ARHGAP24: variants seen among roughly 807,000 people sequenced by gnomAD.
The protein encoded by ARHGAP24 is Rho GTPase activating protein 24.
A neutral mutation model predicts 76.4 loss-of-function variants in ARHGAP24; 50 were observed. The observed-to-expected ratio is 0.65, with a 90% CI of 0.52 to 0.83. The LOEUF (loss-of-function observed/expected upper bound fraction) is 0.83, where lower values mean the gene tolerates loss of function less well. ARHGAP24 is among the 40% of genes least tolerant of loss of function. The pLI, the probability that ARHGAP24 is intolerant of heterozygous loss-of-function variation, is 0.00. For synonymous variants in ARHGAP24, 345 were observed against 323.3 expected, an observed-to-expected ratio of 1.07 and a Z score of -0.72; for missense variants, 930 against 914.2, an observed-to-expected ratio of 1.02 and a Z score of -0.22.
chr4:85,591,850 G>T (rs752149306), intron 2 of ARHGAP24, among the ~76,000 whole-genome samples: 6 of 152,052 alleles, frequency 3.9e-5, no homozygotes, highest in Non-Finnish European at 2.9e-5. Context: ...ACTTAGCATG[G>T]TACCTGGCAT....
intron 5 of ARHGAP24, among the ~76,000 whole-genome samples, chr4:85,971,771 G>A (rs567049213): frequency 1.4e-4 from 21 of 150,264 alleles, no homozygotes; most frequent in Non-Finnish European, 2.8e-4. Context: ...CCCCACCCAC[G>A]GACACATACA....
chr4:85,833,324 C>T (rs1730091387), intron 3 of ARHGAP24, among the ~76,000 whole-genome samples: 1 of 152,122 alleles, frequency 6.6e-6, no homozygotes, highest in South Asian at 2.1e-4. Context: ...GAGGTACGTG[C>T]TTGGTGGGGA....
chr4:85,758,651 C>T (rs1196382896), intron 3 of ARHGAP24, among the ~76,000 whole-genome samples: 1 of 152,098 alleles, frequency 6.6e-6, no homozygotes, highest in Non-Finnish European at 1.5e-5. Context: ...TGGAGGAAGG[C>T]AAGTGGGAAG....
intron 4 of ARHGAP24, among the ~76,000 whole-genome samples, chr4:85,936,292 T>C (rs1253323060): frequency 2.0e-5 from 3 of 152,230 alleles, no homozygotes. Flanking sequence ...ATTATTCATT[T>C]ATTTTCTATA....
chr4:85,786,122 G>A (rs1221710794), intron 3 of ARHGAP24, among the ~76,000 whole-genome samples: 1 of 152,086 alleles, frequency 6.6e-6, no homozygotes, highest in African/African-American at 2.4e-5. Context: ...GGATCTTAAT[G>A]ATCTCGTAAT....
In ARHGAP24 at chr4:85,942,155, G is replaced by T; in HGVS notation, c.481G>T (p.Asp161Tyr). The change falls in exon 5 of 10, where the codon GAC becomes TAC. Residue 161 changes from aspartate to tyrosine, a missense_variant. Transcript: ENST00000395184. ...LAPMLVEQCV[D>Y]FIRQRGLKEE... ...TCCGATGTTGGTGGAGCAGTGCGTG[G>T]ACTTTATCCGACAAAGGGGGCTGAA... The T allele has an allele frequency of 6.2e-7, 1 of 1,613,990 alleles. No individual in the cohort carries two copies.
At chr4:85,583,592 G>A (rs906313398) in intron 2 of ARHGAP24, among the ~76,000 whole-genome samples, 17 of 151,938 alleles carry the variant, frequency 1.1e-4, no homozygotes, top group Non-Finnish European at 1.9e-4. Flanking sequence ...ATTGACAAAT[G>A]GGATCTAATT....
chr4:85,605,699 C>T (rs563244838), intron 2 of ARHGAP24, among the ~76,000 whole-genome samples: 3 of 152,184 alleles, frequency 2.0e-5, no homozygotes, highest in African/African-American at 4.8e-5. Context: ...ACACGTGTAT[C>T]GTGGAAATGA....
At chr4:85,915,327 C>A (rs1216698449) in intron 3 of ARHGAP24, among the ~76,000 whole-genome samples, 1 of 152,108 alleles carries the variant, frequency 6.6e-6, no homozygotes, top group East Asian at 1.9e-4. Flanking sequence ...TTTCATAAAT[C>A]ACTGAAAAGT....
At chr4:85,821,193 C>T (rs1729454042) in intron 3 of ARHGAP24, among the ~76,000 whole-genome samples, 1 of 152,072 alleles carries the variant, frequency 6.6e-6, no homozygotes. Context: ...GCATACTGTA[C>T]AGGTGATGAG....
At chr4:85,780,463 C>T (rs189523049) in intron 3 of ARHGAP24, among the ~76,000 whole-genome samples, 204 of 152,076 alleles carry the variant, frequency 1.3e-3, no homozygotes, top group African/African-American at 4.7e-3. Context: ...TGAGCCACTG[C>T]GCCCAGCCTT....
At chr4:85,632,696 A>C (rs1435642142) in intron 2 of ARHGAP24, among the ~76,000 whole-genome samples, 1 of 152,022 alleles carries the variant, frequency 6.6e-6, no homozygotes, top group East Asian at 1.9e-4. Flanking sequence ...ATTAATGTCT[A>C]ATGGCAGTGT....
At chr4:85,779,066 T>A in intron 3 of ARHGAP24, 1 of 800,058 alleles carries the variant, frequency 1.2e-6, no homozygotes, top group Non-Finnish European at 1.5e-6. Flanking sequence ...ACCTCTATTT[T>A]GAGAGAAAAT....
At chr4:85,610,772 T>C (rs776137890) in intron 2 of ARHGAP24, among the ~76,000 whole-genome samples, 13 of 152,210 alleles carry the variant, frequency 8.5e-5, no homozygotes, top group Non-Finnish European at 1.5e-4. Flanking sequence ...CCTTTTACTG[T>C]CTCTTCATTG....
chr4:85,754,891 A>G (rs1035045183), intron 3 of ARHGAP24, among the ~76,000 whole-genome samples: 5 of 152,188 alleles, frequency 3.3e-5, no homozygotes, highest in African/African-American at 1.2e-4. Context: ...AGTTTATAAA[A>G]TTGGGATGAT....
chr4:85,564,460 G>A (rs901678138), intron 1 of ARHGAP24, among the ~76,000 whole-genome samples: 3 of 78,284 alleles, frequency 3.8e-5, no homozygotes, highest in Admixed American at 1.4e-4. Context: ...GTTAATGGGT[G>A]CAGCACACCA....
intron 1 of ARHGAP24, 116 bp downstream of exon 1, chr4:85,475,675 A>G: frequency 2.2e-4 from 2 of 9,124 alleles, no homozygotes; most frequent in African/African-American, 4.9e-4. Context: ...GGGGGCGGGG[A>G]GGGGGCTGCG....
rs557347448 is a variant in ARHGAP24, at chr4:85,749,462, A to C, written c.268+27490A>C. Among the ~76,000 whole-genome samples the C allele has an allele frequency of 3.7e-4, 57 of 152,370 alleles. 1 individual carries two copies. Among genetic ancestry groups the C allele is most frequent in the African/African-American group, 1.3e-3 (55 of 41,594 alleles). ...AGAAACCACCCACCAAAGATTTTTC[A>C]GGACTGCTCTATTCTCAGACAATCT... On this transcript the variant is annotated intron_variant, in intron 3 of 9. Transcript: ENST00000395184.
intron 6 of ARHGAP24, among the ~76,000 whole-genome samples, chr4:85,974,386 T>G (rs1277606079): frequency 6.6e-6 from 1 of 152,172 alleles, no homozygotes; most frequent in Non-Finnish European, 1.5e-5. Flanking sequence ...AGTCATATAA[T>G]GAAAAGAACC....
Sources: gnomAD v4.1 joint callset for allele counts (sites outside exome capture counted in the v4.1 genomes callset) on GRCh38, gnomAD v4.1.1 for gene constraint, MANE v1.5 for transcripts, NCBI Gene and HGNC (gene_info 2026-07-23, HGNC 2026-07-21) for gene names.